The following MAPT variants were observed in gnomAD, a reference collection of about 807,000 sequenced individuals.
The protein encoded by MAPT is microtubule associated protein tau, also known as microtubule-associated protein tau.
Under a neutral mutation model 67.9 loss-of-function variants are expected in MAPT, and 34 were observed. That is an observed-to-expected ratio of 0.50 (90% CI 0.38 to 0.67). The LOEUF is 0.67. Ranked by LOEUF, MAPT falls within the 30% of genes least tolerant of loss-of-function variation. MAPT has a pLI of 0.00. For missense variants in MAPT, 881 were observed against 1,115.2 expected, an observed-to-expected ratio of 0.79 and a Z score of 2.99; for synonymous variants, 456 against 464.5, an observed-to-expected ratio of 0.98 and a Z score of 0.23.
At chr17:46,018,557 G>A in intron 11 of MAPT, 61 bp from the exon 12 acceptor site, 2 of 1,253,470 alleles carry the variant, frequency 1.6e-6, no homozygotes, top group South Asian at 2.4e-5. Flanking sequence ...TGTAATGTAT[G>A]TTAAGTCCAC....
At chr17:45,956,129 C>T (rs1194888309) in intron 1 of MAPT, among the ~76,000 whole-genome samples, 1 of 152,214 alleles carries the variant, frequency 6.6e-6, no homozygotes, top group Non-Finnish European at 1.5e-5. Flanking sequence ...GTGCTCATGA[C>T]CAGGCCCAGG....
chr17:45,990,714 C>T (rs1347737377), intron 7 of MAPT, among the ~76,000 whole-genome samples: 4 of 152,186 alleles, frequency 2.6e-5, no homozygotes, highest in Admixed American at 1.3e-4. Flanking sequence ...GACAGCATCA[C>T]GCCATAGCAA....
At chr17:45,978,091 T>G (rs2072561355) in intron 3 of MAPT, 1 of 467,962 alleles carries the variant, frequency 2.1e-6, no homozygotes, top group African/African-American at 2.0e-5. Flanking sequence ...CCTTGTTGAG[T>G]GAGGCATTCA....
At chr17:45,967,848 C>T (rs1215465130) in intron 2 of MAPT, among the ~76,000 whole-genome samples, 1 of 152,130 alleles carries the variant, frequency 6.6e-6, no homozygotes, top group Admixed American at 6.5e-5. Context: ...TTCTGTGCTC[C>T]CCCATCCTGG....
chr17:45,921,078 C>A lies in MAPT; in HGVS notation c.-18+26392C>A, dbSNP rs2065668633. On this transcript the variant is annotated intron_variant, in intron 1 of 12. Coordinates refer to ENST00000262410, the MANE Select transcript of MAPT (RefSeq NM_001377265.1). ...AAAGTTTTTACTCCTTCCTTCCCTCCCCAGACTTTTAAATGAAAGTTTAGG... is the reference window on the plus strand; with the variant it reads ...AAAGTTTTTACTCCTTCCTTCCCTCACCAGACTTTTAAATGAAAGTTTAGG... Among the ~76,000 whole-genome samples the A allele has an allele frequency of 2.6e-5, 4 of 152,282 alleles. No homozygotes were observed. In the South Asian group the frequency reaches 8.3e-4, roughly 32 times the overall value.
intron 1 of MAPT, among the ~76,000 whole-genome samples, chr17:45,946,615 A>AAAAAAAAT: frequency 1.5e-3 from 154 of 100,376 alleles, no homozygotes; most frequent in African/African-American, 6.4e-3. Context: ...AAAAAAAAAA[A>AAAAAAAAT]ATATATATAT....
chr17:46,018,818 A>G, intron 12 of MAPT, 88 bp downstream of exon 12: 5 of 990,648 alleles, frequency 5.0e-6, no homozygotes, highest in South Asian at 1.3e-5. Context: ...CAGTTCCCAG[A>G]GGAGGAAAAC....
chr17:45,952,710 G>A (rs2069206582), intron 1 of MAPT, among the ~76,000 whole-genome samples: 1 of 152,150 alleles, frequency 6.6e-6, no homozygotes, highest in Non-Finnish European at 1.5e-5. Context: ...TACAATGTCA[G>A]CATAAGAAGG....
intron 1 of MAPT, among the ~76,000 whole-genome samples, chr17:45,935,327 T>C (rs2067225840): frequency 1.3e-5 from 2 of 152,062 alleles, no homozygotes; most frequent in African/African-American, 4.8e-5. Context: ...TGCAGCAACC[T>C]TTCCTAATGC....
chr17:45,982,215 G>A (rs7208455), intron 4 of MAPT, among the ~76,000 whole-genome samples: 6,609 of 151,308 alleles, frequency 0.044, 488 homozygotes, highest in African/African-American at 0.15. Context: ...CCAGTTACTC[G>A]GGAGGCTGAG....
chr17:45,901,651 A>G (rs1393695505), intron 1 of MAPT, among the ~76,000 whole-genome samples: 1 of 152,230 alleles, frequency 6.6e-6, no homozygotes, highest in Non-Finnish European at 1.5e-5. Flanking sequence ...TTAAAAAGTC[A>G]TTATATCAGA....
In MAPT at chr17:45,971,983, C is replaced by G. The variant is rs767666832; in HGVS notation, c.220+38C>G. The G allele has an allele frequency of 2.0e-6, 3 of 1,525,108 alleles. No homozygotes were observed. The highest frequency in any genetic ancestry group is 1.1e-5 in the South Asian group (1 of 89,126). 94.5% of individuals were successfully genotyped at this position (1,525,108 alleles called of 1,614,324 possible). On this transcript the variant is annotated intron_variant, in intron 3 of 12. Transcript: ENST00000262410. The surrounding 1 kb of genome is among the most constrained non-coding windows in gnomAD (Gnocchi z 4.3). ...TCAGACGCCCCCTCCATGCCTCCAGCCTGTGCTTAGCCGTGCTTTGAGCCT... is the reference window on the plus strand; with the variant it reads ...TCAGACGCCCCCTCCATGCCTCCAGGCTGTGCTTAGCCGTGCTTTGAGCCT...
At chr17:45,902,719 G>A (rs1389222621) in intron 1 of MAPT, among the ~76,000 whole-genome samples, 1 of 152,202 alleles carries the variant, frequency 6.6e-6, no homozygotes, top group East Asian at 1.9e-4. Flanking sequence ...CTGAAAATAA[G>A]TTTAAATTCC....
chr17:45,974,508 G>A (rs1568262519), intron 3 of MAPT: 11 of 1,526,998 alleles, frequency 7.2e-6, no homozygotes, highest in African/African-American at 1.4e-5. Flanking sequence ...GGCAGTCAAG[G>A]CCCTGCTGGG....
intron 1 of MAPT, among the ~76,000 whole-genome samples, chr17:45,926,389 A>C (rs1343953265): frequency 3.3e-5 from 5 of 151,796 alleles, no homozygotes; most frequent in Non-Finnish European, 7.4e-5. Flanking sequence ...GCTCTCTTCA[A>C]ACTTGACCTC....
At chr17:45,919,177 C>T (rs777232907) in intron 1 of MAPT, among the ~76,000 whole-genome samples, 12 of 152,082 alleles carry the variant, frequency 7.9e-5, no homozygotes, top group African/African-American at 1.2e-4. Context: ...TCTCCCTGAC[C>T]CTGCCTGTTG....
intron 1 of MAPT, among the ~76,000 whole-genome samples, chr17:45,905,007 G>A (rs1219947452): frequency 6.6e-6 from 1 of 152,150 alleles, no homozygotes; most frequent in African/African-American, 2.4e-5. Flanking sequence ...CCATTTGGAA[G>A]AGTCATCAGC....
chr17:45,941,842 T>TC (rs1186990469), intron 1 of MAPT, among the ~76,000 whole-genome samples: 4 of 151,712 alleles, frequency 2.6e-5, no homozygotes, highest in African/African-American at 4.9e-5. Context: ...CATTTGGCAT[T>TC]GAGAGAGGCT....
At chr17:46,004,366 C>A (rs1340532225) in intron 9 of MAPT, among the ~76,000 whole-genome samples, 3 of 152,168 alleles carry the variant, frequency 2.0e-5, no homozygotes, top group South Asian at 2.1e-4. Context: ...TGGACACACA[C>A]CCCCAGCCCC....
Sources: allele counts gnomAD v4.1 joint callset (sites outside exome capture counted in the v4.1 genomes callset), GRCh38; gene constraint gnomAD v4.1.1; non-coding constraint Gnocchi (gnomAD v3.1); transcripts MANE v1.5; gene names NCBI Gene and HGNC (gene_info 2026-07-23, HGNC 2026-07-21).